The following TRIM2 variants were observed in gnomAD, a reference collection of about 807,000 sequenced individuals.
TRIM2 encodes the protein tripartite motif-containing protein 2.
A neutral mutation model predicts 75.2 loss-of-function variants in TRIM2; 20 were observed. The observed-to-expected ratio is 0.27, with a 90% confidence interval of 0.19 to 0.39. The LOEUF is 0.39. Among genes scored for constraint, TRIM2 ranks in the 10% least tolerant of loss-of-function variants. The pLI is 1.00. For missense variants in TRIM2, 660 were observed against 990.8 expected (o/e 0.67, Z 4.48); for synonymous variants, 373 against 388.3 (o/e 0.96, Z 0.46).
chr4:153,296,032 A>C lies in TRIM2; in HGVS notation c.1506A>C (p.Arg502=), dbSNP rs1384056233. The C allele has an allele frequency of 6.6e-7, 1 of 1,522,124 alleles. No individual in the cohort carries two copies. The highest frequency in any genetic ancestry group is 1.4e-5 in the African/African-American group (1 of 71,778). 94.3% of individuals were successfully genotyped at this position (1,522,124 alleles called of 1,614,324 possible). A position where few individuals can be genotyped will look rare whatever the true frequency, so the allele number is the denominator to read the frequency against. The stretch of plus-strand genomic sequence containing the variant: ...CCATCGAAGACGATTTGATCTTTCG[A>C]GTGGGTAAGGAGAGGGCTTCTGTGC... ...ENPIEDDLIF[R]VGTKGRNKGE... is the part of the protein sequence containing the mutation. Residue 502 remains arginine (R), a synonymous_variant, in exon 6 of 12, where the codon CGA becomes CGC. Transcript: ENST00000338700.
intron 3 of TRIM2, among the ~76,000 whole-genome samples, chr4:153,289,399 T>G (rs1007601286): frequency 2.6e-5 from 4 of 152,214 alleles, no homozygotes; most frequent in African/African-American, 9.6e-5. Flanking sequence ...TACCAACCAG[T>G]GACCTGACAT....
chr4:153,293,255 A>C (rs570701297), intron 4 of TRIM2, 122 bp downstream of exon 4: 2 of 1,027,926 alleles, frequency 1.9e-6, no homozygotes, highest in Non-Finnish European at 2.7e-6. Context: ...TTTGTGGGTA[A>C]ATAAGTTCTT....
rs183696700 is a variant in TRIM2 at position 153,226,983 on chromosome 4, G to T, written c.30+22423G>T. Among the ~76,000 whole-genome samples the T allele has an allele frequency of 3.9e-5, 6 of 152,302 alleles. No individual in the cohort carries two copies. In the East Asian group the frequency reaches 1.2e-3, roughly 29 times the overall value. The stretch of plus-strand genomic sequence containing the variant: ...AAAGTACAATAGCCTAAAAGGCAAA[G>T]AACAAGTCTTGAAGGAATTTTCAAG... On this transcript the variant is annotated intron_variant, in intron 1 of 11. Transcript: ENST00000338700.
At chr4:153,209,382 C>G (rs1278335137) in intron 1 of TRIM2, among the ~76,000 whole-genome samples, 1 of 152,152 alleles carries the variant, frequency 6.6e-6, no homozygotes, top group Non-Finnish European at 1.5e-5. Flanking sequence ...ACTGGAATTG[C>G]ACTCCCTAGA....
intron 1 of TRIM2, among the ~76,000 whole-genome samples, chr4:153,221,964 GAGGAAGGGAGGA>G (rs1165903362): frequency 4.7e-5 from 1 of 21,106 alleles, no homozygotes; most frequent in Non-Finnish European, 7.4e-5. Context: ...AGGAAAGAGG[GAGGAAGGGAGGA>G]AGGAAGGAAG....
intron 1 of TRIM2, among the ~76,000 whole-genome samples, chr4:153,154,281 C>G (rs986565278): frequency 1.3e-5 from 2 of 152,200 alleles, no homozygotes; most frequent in African/African-American, 4.8e-5. Context: ...ACTGCAGTCT[C>G]TGAGGCTCAG....
At chr4:153,172,411 TC>T (rs767425842) in intron 1 of TRIM2, among the ~76,000 whole-genome samples, 11 of 152,078 alleles carry the variant, frequency 7.2e-5, no homozygotes, top group Admixed American at 1.3e-4. Flanking sequence ...ATGGTCTCGA[TC>T]TCCTGACCCC....
intron 6 of TRIM2, among the ~76,000 whole-genome samples, chr4:153,312,885 A>G (rs1486894422): frequency 1.3e-5 from 2 of 152,124 alleles, no homozygotes; most frequent in African/African-American, 4.8e-5. Context: ...TTTCTAGCCC[A>G]TCTGTTTTGC....
chr4:153,329,851 A>C (rs1314048856), intron 11 of TRIM2, among the ~76,000 whole-genome samples: 2 of 152,096 alleles, frequency 1.3e-5, no homozygotes, highest in Non-Finnish European at 2.9e-5. Context: ...AATTAAAAAA[A>C]AAAAAGAAAT....
Position 153,339,265 on chromosome 4 carries a change from C to A in TRIM2, c.*4299C>A. 1 of 865,196 alleles carries A rather than the reference C, an allele frequency of 1.2e-6. No homozygotes were observed. Among genetic ancestry groups the A allele is most frequent in the Non-Finnish European group, 1.4e-6 (1 of 720,024 alleles). The allele number at this position is 865,196 out of a possible 1,614,324, so 53.6% of individuals were successfully genotyped here. ...TAGGAGAAACAGGATTCATGTGTAT[C>A]TCTTTACCATGCACAAAATCTCAAA... is the stretch of plus-strand genomic sequence containing the variant. On this transcript the variant is annotated 3_prime_UTR_variant, in exon 12 of 12. Transcript: ENST00000338700.
chr4:153,322,544 C>A, intron 8 of TRIM2, 104 bp from the exon 9 acceptor site: 2 of 1,311,398 alleles, frequency 1.5e-6, no homozygotes, highest in African/African-American at 1.5e-5. Context: ...CCCGTTTGAA[C>A]CTTCAGGTAA....
Position 153,248,327 on chromosome 4 carries a change from C to A in TRIM2, c.31-22008C>A, listed in dbSNP as rs114219183. On this transcript the variant is annotated intron_variant, in intron 1 of 11. Transcript: ENST00000338700. This position sits in a 1 kb window ranked among gnomAD's most constrained non-coding sequence, Gnocchi z 4.0. ...AGGTTCTTTACATAGACTAAACAAACCATTTCCTTCTCCTAACAACGCTAT... is the reference window on the plus strand; with the variant it reads ...AGGTTCTTTACATAGACTAAACAAAACATTTCCTTCTCCTAACAACGCTAT... 2.7e-3 allele frequency among the ~76,000 whole-genome samples: 411 copies of A among 152,288 alleles called. 1 individual carries two copies. Among genetic ancestry groups the A allele is most frequent in the African/African-American group, 9.6e-3 (399 of 41,556 alleles).
rs1356287922 is a variant in TRIM2, at chr4:153,337,186, A to C, written c.*2220A>C. On this transcript the variant is annotated 3_prime_UTR_variant, in exon 12 of 12. Coordinates refer to ENST00000338700, the MANE Select transcript of TRIM2 (RefSeq NM_015271.5). ...TTTTCAAATTGGTTACATTAATTTT[A>C]GTTTATTTTCACAAGTAAAAATGGC... The C allele has an allele frequency of 1.0e-6, 1 of 985,298 alleles. No individual in the cohort carries two copies. Among genetic ancestry groups the C allele is most frequent in the African/African-American group, 1.7e-5 (1 of 57,256 alleles). 61.0% of individuals were successfully genotyped at this position (985,298 alleles called of 1,614,324 possible).
At chr4:153,216,562 C>A (rs1316455129) in intron 1 of TRIM2, among the ~76,000 whole-genome samples, 3 of 152,164 alleles carry the variant, frequency 2.0e-5, no homozygotes, top group African/African-American at 7.2e-5. Flanking sequence ...CTCAATGCTT[C>A]CCTTAGTTTC....
intron 1 of TRIM2, among the ~76,000 whole-genome samples, chr4:153,175,213 G>A (rs961045913): frequency 2.6e-5 from 4 of 151,948 alleles, no homozygotes; most frequent in African/African-American, 7.3e-5. Flanking sequence ...GTAGAGACAG[G>A]GTTTCACCAT....
At chr4:153,211,282 C>T (rs1262772337) in intron 1 of TRIM2, among the ~76,000 whole-genome samples, 1 of 152,026 alleles carries the variant, frequency 6.6e-6, no homozygotes, top group Non-Finnish European at 1.5e-5. Flanking sequence ...GACTGCTGAT[C>T]CCTGTCCTTT....
intron 6 of TRIM2, among the ~76,000 whole-genome samples, chr4:153,302,137 G>A (rs887480882): frequency 2.0e-5 from 3 of 151,344 alleles, no homozygotes; most frequent in Non-Finnish European, 3.0e-5. Context: ...TGTTGTCTTC[G>A]GTTTTTTTCA....
At chr4:153,285,653 T>C (rs908820663) in intron 3 of TRIM2, among the ~76,000 whole-genome samples, 5 of 152,224 alleles carry the variant, frequency 3.3e-5, no homozygotes. Context: ...CACTTTTGGA[T>C]TATTCATTGT....
chr4:153,186,635 G>A (rs931750905), intron 1 of TRIM2, among the ~76,000 whole-genome samples: 2 of 152,186 alleles, frequency 1.3e-5, no homozygotes, highest in East Asian at 3.9e-4. Flanking sequence ...AAGGGCACCT[G>A]AGGGCCCCTT....
Sources: allele counts gnomAD v4.1 joint callset (sites outside exome capture counted in the v4.1 genomes callset), GRCh38; gene constraint gnomAD v4.1.1; non-coding constraint Gnocchi (gnomAD v3.1); transcripts MANE v1.5; gene names NCBI Gene and HGNC (gene_info 2026-07-23, HGNC 2026-07-21).